KCNMA1: variants seen among roughly 807,000 people sequenced by gnomAD.
KCNMA1 encodes Calcium-activated potassium channel subunit alpha-1.
Under a neutral mutation model 140.0 loss-of-function variants are expected in KCNMA1, and 29 were observed. The ratio of observed to expected loss-of-function variants is 0.21; its 90% CI spans 0.15 to 0.28. The LOEUF (loss-of-function observed/expected upper bound fraction) is 0.28. Ranked by LOEUF, KCNMA1 falls within the 10% of genes least tolerant of loss-of-function variation. The pLI is 1.00. For synonymous variants in KCNMA1, 612 were observed against 611.9 expected (o/e 1.00, Z 0.00); for missense variants, 880 against 1,602.2 (o/e 0.55, Z 7.70).
chr10:77,078,581 G>A (rs560353733), intron 13 of KCNMA1, among the ~76,000 whole-genome samples: 1 of 152,268 alleles, frequency 6.6e-6, no homozygotes, highest in South Asian at 2.1e-4. Context: ...TCGACTCTGG[G>A]AATGTGTCCC....
chr10:76,984,617 C>A (rs2080657310), intron 19 of KCNMA1, among the ~76,000 whole-genome samples: 1 of 152,044 alleles, frequency 6.6e-6, no homozygotes, highest in Non-Finnish European at 1.5e-5. Flanking sequence ...TGAATAGAAG[C>A]CTATGGGATT....
chr10:76,951,713 T>C (rs1398223059), intron 21 of KCNMA1, among the ~76,000 whole-genome samples: 1 of 152,178 alleles, frequency 6.6e-6, no homozygotes, highest in Non-Finnish European at 1.5e-5. Flanking sequence ...GATCATACTT[T>C]CCAGACAGCA....
chr10:77,509,990 C>T (rs968749285), intron 1 of KCNMA1, among the ~76,000 whole-genome samples: 2 of 151,650 alleles, frequency 1.3e-5, no homozygotes, highest in African/African-American at 4.8e-5. Context: ...TTAGCACAAT[C>T]CCACTGCTGC....
intron 5 of KCNMA1, among the ~76,000 whole-genome samples, chr10:77,152,414 G>A (rs2098432922): frequency 6.6e-6 from 1 of 152,070 alleles, no homozygotes; most frequent in Non-Finnish European, 1.5e-5. Flanking sequence ...CTTGGGAAGT[G>A]ATCTCAGGAA....
At chr10:77,332,494 C>T (rs1267205974) in intron 2 of KCNMA1, among the ~76,000 whole-genome samples, 1 of 152,152 alleles carries the variant, frequency 6.6e-6, no homozygotes, top group Non-Finnish European at 1.5e-5. Context: ...GATCTGTTGT[C>T]CCCTGCATGC....
At chr10:77,488,571 G>T (rs935630431) in intron 1 of KCNMA1, among the ~76,000 whole-genome samples, 2 of 152,142 alleles carry the variant, frequency 1.3e-5, no homozygotes, top group Non-Finnish European at 2.9e-5. Context: ...AAACAAAAAG[G>T]CTGAGCTGCC....
In KCNMA1 at chr10:76,885,860, A is replaced by G; in HGVS notation, c.*1406T>C. The stretch of plus-strand genomic sequence containing the variant: ...TAAAAAAGAAAGAAAACAAAAGAAG[A>G]AAAAAATAACTATACCAAAATGTGT... On this transcript the variant is annotated 3_prime_UTR_variant, in exon 28 of 28. Coordinates refer to ENST00000286628, the MANE Select transcript of KCNMA1 (RefSeq NM_001161352.2). The G allele has an allele frequency of 1.0e-6, 1 of 985,156 alleles. No homozygotes were observed. The highest frequency in any genetic ancestry group is 1.2e-6 in the Non-Finnish European group (1 of 829,680). The allele number at this position is 985,156 out of a possible 1,614,324, so 61.0% of individuals were successfully genotyped here.
chr10:77,293,826 A>C (rs1207928778), intron 2 of KCNMA1, among the ~76,000 whole-genome samples: 1 of 152,260 alleles, frequency 6.6e-6, no homozygotes, highest in African/African-American at 2.4e-5. Context: ...TTCTTTCCCA[A>C]AATGCGACTA....
intron 1 of KCNMA1, among the ~76,000 whole-genome samples, chr10:77,480,285 C>G (rs1316616112): frequency 6.6e-6 from 1 of 152,220 alleles, no homozygotes; most frequent in African/African-American, 2.4e-5. Context: ...CTGCCCGCCT[C>G]CCATCTGGCA....
chr10:76,962,113 T>C (rs2071746871), intron 20 of KCNMA1, among the ~76,000 whole-genome samples: 1 of 152,194 alleles, frequency 6.6e-6, no homozygotes. Context: ...ACAAATCCCT[T>C]TTCTAGCAAA....
chr10:76,952,229 G>A lies in KCNMA1; in HGVS notation c.2484+1572C>T, dbSNP rs186570750. 2.7e-6 allele frequency: 4 copies of A among 1,498,914 alleles called. No homozygotes were observed. In the East Asian group the frequency reaches 1.0e-4, roughly 37 times the overall value. The allele number at this position is 1,498,914 out of a possible 1,614,324, so 92.9% of individuals were successfully genotyped here. A position where few individuals can be genotyped will look rare whatever the true frequency, so the allele number is the denominator to read the frequency against. On this transcript the variant is annotated intron_variant, in intron 21 of 27. Transcript: ENST00000286628. ...AAAAGTGCCATGAATACATCAGAAT[G>A]TACATATATGGCTGGGTGCAGTGAC...
chr10:77,253,951 T>C (rs2060171306), intron 2 of KCNMA1, among the ~76,000 whole-genome samples: 1 of 152,092 alleles, frequency 6.6e-6, no homozygotes, highest in Non-Finnish European at 1.5e-5. Context: ...GCCATGAAAA[T>C]AGAATCCCCA....
intron 23 of KCNMA1, among the ~76,000 whole-genome samples, chr10:76,934,019 C>T (rs565648783): frequency 6.6e-6 from 1 of 152,194 alleles, no homozygotes; most frequent in South Asian, 2.1e-4. Context: ...GTTACCCAGG[C>T]TGGAGGGCAA....
At chr10:77,231,883 A>C (rs1241433460) in intron 3 of KCNMA1, among the ~76,000 whole-genome samples, 1 of 152,222 alleles carries the variant, frequency 6.6e-6, no homozygotes, top group East Asian at 1.9e-4. Flanking sequence ...TGGGACAATC[A>C]ATTTTAAAAC....
intron 14 of KCNMA1, among the ~76,000 whole-genome samples, chr10:77,053,304 T>C (rs2095435258): frequency 6.6e-6 from 1 of 152,182 alleles, no homozygotes. Flanking sequence ...AAGCTGCACT[T>C]GCTGGATGGG....
intron 2 of KCNMA1, among the ~76,000 whole-genome samples, chr10:77,290,127 C>G (rs1261920898): frequency 1.3e-5 from 2 of 152,168 alleles, no homozygotes; most frequent in Non-Finnish European, 2.9e-5. Context: ...CATAGACCTA[C>G]ACACCAAATT....
intron 1 of KCNMA1, among the ~76,000 whole-genome samples, chr10:77,489,661 C>G (rs961778915): frequency 7.2e-5 from 11 of 152,178 alleles, no homozygotes; most frequent in African/African-American, 2.7e-4. Context: ...TTTTCATTTG[C>G]TGAATCTACC....
chr10:77,433,967 C>T (rs1355380240), intron 1 of KCNMA1, among the ~76,000 whole-genome samples: 1 of 152,306 alleles, frequency 6.6e-6, no homozygotes, highest in East Asian at 1.9e-4. Flanking sequence ...TTCCATCAAG[C>T]CACAGCCAAA....
chr10:77,436,971 C>T (rs1174472714), intron 1 of KCNMA1, among the ~76,000 whole-genome samples: 2 of 148,220 alleles, frequency 1.3e-5, no homozygotes, highest in East Asian at 3.9e-4. Context: ...CACACACACA[C>T]ACACACACAC....
Sources: gnomAD v4.1 joint callset for allele counts (sites outside exome capture counted in the v4.1 genomes callset) on GRCh38, gnomAD v4.1.1 for gene constraint, MANE v1.5 for transcripts, NCBI Gene and HGNC (gene_info 2026-07-23, HGNC 2026-07-21) for gene names.